MYLK4: variants seen among roughly 807,000 people sequenced by gnomAD.
MYLK4 encodes caMLCK like.
MYLK4 carries 46 observed loss-of-function variants against 48.1 expected under a neutral mutation model. That is an observed-to-expected ratio of 0.96 (90% confidence interval 0.75 to 1.22). MYLK4 has a LOEUF of 1.22. Ranked by LOEUF, MYLK4 falls within the 50% of genes most tolerant of loss-of-function variation. The pLI is 0.00. For missense variants in MYLK4, 451 were observed against 486.1 expected (o/e 0.93, Z 0.68); for synonymous variants, 170 against 180.8 (o/e 0.94, Z 0.48).
At chr6:2,761,505 A>G in the MYLK4 span, among the ~76,000 whole-genome samples, 1 of 152,216 alleles carries the variant, frequency 6.6e-6, no homozygotes, top group South Asian at 2.1e-4. Flanking sequence ...AACTTCAGAC[A>G]GAGGGGACTA....
chr6:2,740,659 A>G (rs1763869556), intron 2 of MYLK4, among the ~76,000 whole-genome samples: 1 of 152,176 alleles, frequency 6.6e-6, no homozygotes, highest in South Asian at 2.1e-4. Context: ...ACCCTCACGC[A>G]TGCTTGGGCT....
the MYLK4 span, among the ~76,000 whole-genome samples, chr6:2,765,201 C>A: frequency 7.9e-6 from 1 of 127,088 alleles, no homozygotes; most frequent in South Asian, 3.1e-4. Flanking sequence ...CCCGCCCCTC[C>A]CCCGCCCCCG....
upstream of MYLK4, among the ~76,000 whole-genome samples, chr6:2,752,919 T>C (rs1764332378): frequency 6.6e-6 from 1 of 152,192 alleles, no homozygotes; most frequent in Non-Finnish European, 1.5e-5. Context: ...ACAAGCACAC[T>C]GCTGGCACAA....
intron 10 of MYLK4, 122 bp from the exon 11 acceptor site, chr6:2,675,247 C>G: frequency 2.8e-6 from 2 of 711,646 alleles, no homozygotes; most frequent in Admixed American, 4.2e-5. Flanking sequence ...AACTCATGGT[C>G]AATTCTGCCT....
At chr6:2,762,841 TAGC>T in the MYLK4 span, among the ~76,000 whole-genome samples, 1 of 152,210 alleles carries the variant, frequency 6.6e-6, no homozygotes, top group African/African-American at 2.4e-5. Context: ...TCTCTTAAGT[TAGC>T]CGTTCCTGCC....
At position 2,685,345 on chromosome 6, in the gene MYLK4, G is replaced by T. The variant is rs1341791123; in HGVS notation, c.496C>A (p.Leu166Met). Residue 166 changes from leucine (L) to methionine (M), a missense_variant, in exon 6 of 13, where the codon CTG becomes ATG. Leu to Met is a conservative substitution (Grantham distance 15). Transcript: ENST00000274643. The surrounding 1 kb of genome is among the most constrained non-coding windows in gnomAD (Gnocchi z 4.5). ...TTCTTAGACTCGAAGGCATCGTACA[G>T]CTGGATGAGGTTCGCGTGGTCCAGC... is the stretch of plus-strand genomic sequence containing the variant. ...NQLDHANLIQ[L>M]YDAFESKNDI... The T allele has an allele frequency of 6.2e-7, 1 of 1,613,802 alleles. No individual in the cohort carries two copies. The highest frequency in any genetic ancestry group is 1.7e-5 in the Admixed American group (1 of 59,982).
At position 2,749,362 on chromosome 6, in the gene MYLK4, T is replaced by C; in HGVS notation, c.-68A>G. On this transcript the variant is annotated 5_prime_UTR_variant, in exon 2 of 13. Transcript: ENST00000274643. ...TTCGTCTCCCTCTGTCTCCGATTTA[T>C]AAATCAGGACACAATTATGACTCTT... The C allele has an allele frequency of 7.7e-7, 1 of 1,305,954 alleles. No homozygotes were observed. Among genetic ancestry groups the C allele is most frequent in the East Asian group, 2.3e-5 (1 of 43,264 alleles). The allele number at this position is 1,305,954 out of a possible 1,614,324, so 80.9% of individuals were successfully genotyped here.
intron 2 of MYLK4, among the ~76,000 whole-genome samples, chr6:2,726,158 A>T (rs80163288): frequency 0.032 from 4,949 of 152,280 alleles, 268 homozygotes; most frequent in African/African-American, 0.11. Context: ...ACTGAGAAAT[A>T]ATCTACATAT....
intron 11 of MYLK4, among the ~76,000 whole-genome samples, chr6:2,674,165 G>C (rs1436382501): frequency 6.6e-6 from 1 of 152,220 alleles, no homozygotes; most frequent in Admixed American, 6.5e-5. Context: ...GGTAATTAAG[G>C]CAATGAGAGT....
the MYLK4 span, among the ~76,000 whole-genome samples, chr6:2,763,171 C>T: frequency 6.6e-6 from 1 of 152,212 alleles, no homozygotes; most frequent in Non-Finnish European, 1.5e-5. Flanking sequence ...GTTTACAAAC[C>T]TTGAGCTAGA....
chr6:2,752,246 G>A (rs1281557498), upstream of MYLK4, among the ~76,000 whole-genome samples: 2 of 152,144 alleles, frequency 1.3e-5, no homozygotes, highest in African/African-American at 4.8e-5. Flanking sequence ...CTACAGAAAA[G>A]GTGCAAAGGT....
chr6:2,675,722 C>A (rs564760142), intron 10 of MYLK4, among the ~76,000 whole-genome samples: 1 of 152,204 alleles, frequency 6.6e-6, no homozygotes, highest in East Asian at 1.9e-4. Flanking sequence ...TATAGATTTA[C>A]CATATTTAAA....
chr6:2,762,159 CT>C, the MYLK4 span, among the ~76,000 whole-genome samples: 2 of 152,164 alleles, frequency 1.3e-5, no homozygotes, highest in East Asian at 3.8e-4. Flanking sequence ...ATTCGCCCGC[CT>C]CAGCCTCCCA....
chr6:2,755,921 G>A (rs1268524697), upstream of MYLK4, among the ~76,000 whole-genome samples: 1 of 152,178 alleles, frequency 6.6e-6, no homozygotes, highest in African/African-American at 2.4e-5. Flanking sequence ...CATCACAAAA[G>A]GTGGCACATG....
the MYLK4 span, chr6:2,766,379 C>T: frequency 2.9e-3 from 4,711 of 1,608,748 alleles, 16 homozygotes; most frequent in Middle Eastern, 5.8e-3. Context: ...TACCCTGCTG[C>T]GCTCGCTCCT....
chr6:2,683,799 G>C (rs762478410), intron 6 of MYLK4, among the ~76,000 whole-genome samples: 3 of 152,062 alleles, frequency 2.0e-5, no homozygotes, highest in Non-Finnish European at 4.4e-5. Context: ...AGAGAAAGAG[G>C]ATCCTAAGAA....
At chr6:2,668,069 C>CAGA (rs1263538887) in intron 12 of MYLK4, among the ~76,000 whole-genome samples, 170 bp from the exon 13 acceptor site, 1 of 151,664 alleles carries the variant, frequency 6.6e-6, no homozygotes, top group Non-Finnish European at 1.5e-5. Context: ...CACCACCAAC[C>CAGA]AGAGTTGGGC....
At chr6:2,770,331 C>T in the MYLK4 span, 1 of 1,614,172 alleles carries the variant, frequency 6.2e-7, no homozygotes. Flanking sequence ...CCCACTGACC[C>T]TCTGAGCCAC....
At chr6:2,757,152 T>TTC in the MYLK4 span, among the ~76,000 whole-genome samples, 1 of 151,406 alleles carries the variant, frequency 6.6e-6, no homozygotes, top group South Asian at 2.1e-4. Flanking sequence ...TTTTTTTTTT[T>TTC]AATTAAAGAT....
Sources: allele counts gnomAD v4.1 joint callset (sites outside exome capture counted in the v4.1 genomes callset), GRCh38; gene constraint gnomAD v4.1.1; non-coding constraint Gnocchi (gnomAD v3.1); transcripts MANE v1.5; gene names NCBI Gene and HGNC (gene_info 2026-07-23, HGNC 2026-07-21).